HS6ST3: variants seen among roughly 807,000 people sequenced by gnomAD.
The protein encoded by HS6ST3 is heparan sulfate 6-O-sulfotransferase 3.
In HS6ST3, 12 loss-of-function variants were observed where a neutral mutation model predicts 36.7. That is an observed-to-expected ratio of 0.33 (90% confidence interval 0.21 to 0.53). HS6ST3 has a LOEUF of 0.53. Ranked by LOEUF, HS6ST3 falls within the 20% of genes least tolerant of loss-of-function variation. HS6ST3 has a pLI of 0.95. For synonymous variants in HS6ST3, 240 were observed against 257.5 expected (o/e 0.93, Z 0.65); for missense variants, 584 against 640.9 (o/e 0.91, Z 0.96).
At chr13:96,550,219 T>C (rs936675605) in intron 1 of HS6ST3, among the ~76,000 whole-genome samples, 29 of 152,268 alleles carry the variant, frequency 1.9e-4, no homozygotes, top group African/African-American at 6.0e-4. Flanking sequence ...TGAATGGCTT[T>C]GTGCTGTCCT....
At chr13:96,505,619 T>C (rs184475650) in intron 1 of HS6ST3, among the ~76,000 whole-genome samples, 5 of 152,300 alleles carry the variant, frequency 3.3e-5, no homozygotes, top group African/African-American at 7.2e-5. Context: ...ATTATTTACT[T>C]GTCTTCATTT....
chr13:96,771,238 A>G lies in HS6ST3; in HGVS notation c.708-61252A>G, dbSNP rs1174333409. Among the ~76,000 whole-genome samples the G allele has an allele frequency of 2.4e-5, 3 of 126,144 alleles. No homozygotes were observed. In the East Asian group the frequency reaches 7.8e-4, roughly 33 times the overall value. 82.8% of individuals were successfully genotyped at this position (126,144 alleles called of 152,430 possible). A position where few individuals can be genotyped will look rare whatever the true frequency, so the allele number is the denominator to read the frequency against. ...TTGAACAATGAGAACACTTGGACAC[A>G]GGAAGGGGAACGTCACACACCGGGG... On this transcript the variant is annotated intron_variant, in intron 1 of 1. Coordinates refer to ENST00000376705, the MANE Select transcript of HS6ST3 (RefSeq NM_153456.4).
At chr13:96,321,285 C>T (rs940143224) in intron 1 of HS6ST3, among the ~76,000 whole-genome samples, 4 of 152,156 alleles carry the variant, frequency 2.6e-5, no homozygotes, top group Admixed American at 1.3e-4. Context: ...CCATATTATT[C>T]CCCTCAATCC....
At chr13:96,327,465 G>T (rs1033753743) in intron 1 of HS6ST3, among the ~76,000 whole-genome samples, 3 of 151,850 alleles carry the variant, frequency 2.0e-5, no homozygotes, top group African/African-American at 7.3e-5. Flanking sequence ...GTTTTTCTCA[G>T]GTTTGTCAAA....
intron 1 of HS6ST3, among the ~76,000 whole-genome samples, chr13:96,401,176 CTTTTGTACCTTACTGCT>C (rs2055449332): frequency 6.6e-6 from 1 of 152,100 alleles, no homozygotes; most frequent in African/African-American, 2.4e-5. Context: ...GTTTCCTTGC[CTTTTGTACCTTACTGCT>C]TTTCCCCCCT....
chr13:96,287,391 T>C (rs2054808916), intron 1 of HS6ST3, among the ~76,000 whole-genome samples: 1 of 152,188 alleles, frequency 6.6e-6, no homozygotes, highest in African/African-American at 2.4e-5. Flanking sequence ...TAAGGAGCTT[T>C]AGCTTTTTAG....
intron 1 of HS6ST3, among the ~76,000 whole-genome samples, chr13:96,253,012 C>T (rs527909433): frequency 4.3e-4 from 66 of 152,204 alleles, no homozygotes; most frequent in African/African-American, 1.5e-3. Context: ...AACGCAAGAA[C>T]GACCTAATAC....
At chr13:96,574,114 T>A in intron 1 of HS6ST3, 1 of 539,278 alleles carries the variant, frequency 1.9e-6, no homozygotes, top group Non-Finnish European at 3.7e-6. Flanking sequence ...TTTATTCAGG[T>A]CTCAGGGAAT....
At chr13:96,578,760 A>G (rs540545805) in intron 1 of HS6ST3, among the ~76,000 whole-genome samples, 25 of 151,998 alleles carry the variant, frequency 1.6e-4, no homozygotes, top group Non-Finnish European at 3.1e-4. Flanking sequence ...GCGTTTCACT[A>G]TGTTGGCCAG....
intron 1 of HS6ST3, among the ~76,000 whole-genome samples, chr13:96,197,026 A>G (rs2054317657): frequency 6.6e-6 from 1 of 152,200 alleles, no homozygotes; most frequent in Non-Finnish European, 1.5e-5. Flanking sequence ...AGATGGATCT[A>G]TGTGATTCAC....
intron 1 of HS6ST3, among the ~76,000 whole-genome samples, chr13:96,401,668 G>A (rs908368343): frequency 2.0e-5 from 3 of 152,004 alleles, no homozygotes; most frequent in Non-Finnish European, 2.9e-5. Flanking sequence ...TCCACCTCCC[G>A]GGCTCAAGCC....
intron 1 of HS6ST3, among the ~76,000 whole-genome samples, chr13:96,608,794 T>C (rs2056447556): frequency 6.6e-6 from 1 of 151,972 alleles, no homozygotes; most frequent in Non-Finnish European, 1.5e-5. Context: ...AGGAGAATGA[T>C]GATTTTGGTG....
At chr13:96,439,097 TTATATGTGG>T in intron 1 of HS6ST3, among the ~76,000 whole-genome samples, 1 of 151,840 alleles carries the variant, frequency 6.6e-6, no homozygotes, top group East Asian at 1.9e-4. Context: ...AAAAAGATGG[TTATATGTGG>T]CCGCTAGAGA....
chr13:96,822,544 A>C (rs1334002576), intron 1 of HS6ST3, among the ~76,000 whole-genome samples: 1 of 152,226 alleles, frequency 6.6e-6, no homozygotes, highest in Admixed American at 6.5e-5. Context: ...CGATGCTCAC[A>C]GGTTTCCTGT....
intron 1 of HS6ST3, among the ~76,000 whole-genome samples, chr13:96,224,695 T>G (rs951211406): frequency 6.6e-6 from 1 of 152,240 alleles, no homozygotes; most frequent in African/African-American, 2.4e-5. Flanking sequence ...GAATATAAAT[T>G]GTCTTGTTTT....
At chr13:96,557,666 G>A (rs1566395985) in intron 1 of HS6ST3, among the ~76,000 whole-genome samples, 1 of 152,130 alleles carries the variant, frequency 6.6e-6, no homozygotes, top group Non-Finnish European at 1.5e-5. Flanking sequence ...GCTGCATGGG[G>A]CTAGGTATGT....
chr13:96,620,271 G>A (rs981662412), intron 1 of HS6ST3, among the ~76,000 whole-genome samples: 21 of 152,180 alleles, frequency 1.4e-4, no homozygotes, highest in Non-Finnish European at 2.2e-4. Context: ...ATTAAGTATG[G>A]TTTAGTCAAG....
intron 1 of HS6ST3, among the ~76,000 whole-genome samples, chr13:96,297,832 C>G (rs1488490337): frequency 6.6e-6 from 1 of 152,088 alleles, no homozygotes; most frequent in Non-Finnish European, 1.5e-5. Flanking sequence ...CATAGAGGAG[C>G]TTCTTGGTAA....
At chr13:96,671,124 A>G (rs1376546155) in intron 1 of HS6ST3, among the ~76,000 whole-genome samples, 1 of 152,080 alleles carries the variant, frequency 6.6e-6, no homozygotes, top group Admixed American at 6.6e-5. Flanking sequence ...CCTCAAGAGA[A>G]TTTTTGCTAC....
Sources: allele counts gnomAD v4.1 joint callset (sites outside exome capture counted in the v4.1 genomes callset), GRCh38; gene constraint gnomAD v4.1.1; transcripts MANE v1.5; gene names NCBI Gene and HGNC (gene_info 2026-07-23, HGNC 2026-07-21).